Variants in FHL2 observed in about 807,000 individuals in gnomAD.
FHL2 encodes the protein four and a half LIM domains protein 2.
FHL2 carries 20 observed loss-of-function variants against 32.7 expected under a neutral mutation model. The ratio of observed to expected loss-of-function variants is 0.61; its 90% CI spans 0.43 to 0.89. The LOEUF (loss-of-function observed/expected upper bound fraction) is 0.89. Ranked by LOEUF, FHL2 falls within the 40% of genes least tolerant of loss-of-function variation. The pLI, the probability that FHL2 is intolerant of heterozygous loss-of-function variation, is 0.00. For missense variants in FHL2, 311 were observed against 358.6 expected, an observed-to-expected ratio of 0.87 and a Z score of 1.07; for synonymous variants, 123 against 128.1, an observed-to-expected ratio of 0.96 and a Z score of 0.27.
At chr2:105,385,512 G>C (rs143741923) in intron 3 of FHL2, among the ~76,000 whole-genome samples, 30 of 152,304 alleles carry the variant, frequency 2.0e-4, no homozygotes, top group African/African-American at 6.5e-4. Context: ...GAACTGACTT[G>C]GTGCCCATTC....
chr2:105,372,174 A>G (rs1266536435), intron 4 of FHL2, among the ~76,000 whole-genome samples: 2 of 152,200 alleles, frequency 1.3e-5, no homozygotes, highest in African/African-American at 2.4e-5. Context: ...ATCTTACCAA[A>G]GGTCAGATTA....
At chr2:105,372,930 A>G (rs952046612) in intron 4 of FHL2, among the ~76,000 whole-genome samples, 3 of 152,214 alleles carry the variant, frequency 2.0e-5, no homozygotes, top group African/African-American at 7.2e-5. Context: ...GCTCTCCTAC[A>G]TAAAAAACAA....
intron 2 of FHL2, among the ~76,000 whole-genome samples, chr2:105,387,755 G>A (rs1405775957): frequency 6.6e-6 from 1 of 152,268 alleles, no homozygotes; most frequent in Middle Eastern, 3.4e-3. Flanking sequence ...CCATTACTGG[G>A]AATACACCCA....
At chr2:105,414,522 A>G (rs546915803) in intron 1 of FHL2, among the ~76,000 whole-genome samples, 2 of 151,692 alleles carry the variant, frequency 1.3e-5, no homozygotes, top group South Asian at 4.2e-4. Flanking sequence ...TACTCTTGTC[A>G]CTCAAGAGAT....
upstream of FHL2, among the ~76,000 whole-genome samples, chr2:105,401,398 G>A (rs1010125721): frequency 1.3e-5 from 2 of 152,172 alleles, no homozygotes; most frequent in African/African-American, 4.8e-5. Flanking sequence ...AATCGCTGAA[G>A]CTTGATGATG....
At chr2:105,379,111 A>G (rs773129261) in intron 3 of FHL2, among the ~76,000 whole-genome samples, 11 of 152,194 alleles carry the variant, frequency 7.2e-5, no homozygotes, top group Non-Finnish European at 4.4e-5. Context: ...TGCCAGATTG[A>G]CTAAACTTAA....
At chr2:105,399,993 A>G (rs980461427), upstream of FHL2, among the ~76,000 whole-genome samples, 14 of 152,146 alleles carry the variant, frequency 9.2e-5, no homozygotes, top group African/African-American at 3.1e-4. Flanking sequence ...CTTTCTTTTA[A>G]TTGATACTCT....
chr2:105,376,710 C>T (rs969937072), intron 3 of FHL2: 9 of 152,208 alleles, frequency 5.9e-5, no homozygotes, highest in African/African-American at 2.2e-4. Flanking sequence ...TATATTTGTA[C>T]ATCCACGTTC....
At chr2:105,402,235 A>G (rs1046721387), upstream of FHL2, among the ~76,000 whole-genome samples, 32 of 141,198 alleles carry the variant, frequency 2.3e-4, no homozygotes, top group African/African-American at 6.3e-4. Context: ...GTATATATAT[A>G]TGTGTGTGTG....
intron 1 of FHL2, among the ~76,000 whole-genome samples, chr2:105,423,348 A>T (rs941598055): frequency 6.6e-6 from 1 of 152,234 alleles, no homozygotes; most frequent in African/African-American, 2.4e-5. Flanking sequence ...TTACTGGTAT[A>T]ATTATCTGCA....
At chr2:105,409,896 C>T (rs1233495700) in intron 1 of FHL2, among the ~76,000 whole-genome samples, 3 of 152,178 alleles carry the variant, frequency 2.0e-5, no homozygotes, top group Non-Finnish European at 4.4e-5. Flanking sequence ...GAGAGCAAGC[C>T]GACTCATGCC....
chr2:105,436,567 T>C (rs1290453616), intron 1 of FHL2, among the ~76,000 whole-genome samples: 1 of 152,096 alleles, frequency 6.6e-6, no homozygotes, highest in Non-Finnish European at 1.5e-5. Context: ...TATATACATA[T>C]ATATATGTTT....
At position 105,361,147 on chromosome 2, in the gene FHL2, G is replaced by T; in HGVS notation, c.*136C>A. ...AAAGCACTAAAGGGTTTAAGCAAAC[G>T]TGAGTATCACTGAAAAGCACTAGAA... is the stretch of plus-strand genomic sequence containing the variant. On this transcript the variant is annotated 3_prime_UTR_variant, in exon 7 of 7. Coordinates refer to ENST00000530340, the MANE Select transcript of FHL2 (RefSeq NM_001318895.3). The T allele has an allele frequency of 1.1e-6, 1 of 870,008 alleles. No individual in the cohort carries two copies. Among genetic ancestry groups the T allele is most frequent in the Non-Finnish European group, 1.8e-6 (1 of 560,450 alleles). 53.9% of individuals were successfully genotyped at this position (870,008 alleles called of 1,614,324 possible). A position where few individuals can be genotyped will look rare whatever the true frequency, so the allele number is the denominator to read the frequency against.
Position 105,361,136 on chromosome 2 carries a change from T to C in FHL2, c.*147A>G, listed in dbSNP as rs1167556039. ...TGAACTATCACAAAGCACTAAAGGG[T>C]TTAAGCAAACGTGAGTATCACTGAA... On this transcript the variant is annotated 3_prime_UTR_variant, in exon 7 of 7. Coordinates refer to ENST00000530340, the MANE Select transcript of FHL2 (RefSeq NM_001318895.3). The C allele has an allele frequency of 1.4e-5, 11 of 787,916 alleles. No homozygotes were observed. Among genetic ancestry groups the C allele is most frequent in the Non-Finnish European group, 2.2e-5 (11 of 497,540 alleles). 48.8% of individuals were successfully genotyped at this position (787,916 alleles called of 1,614,324 possible).
At chr2:105,434,046 T>C (rs903285234) in intron 1 of FHL2, among the ~76,000 whole-genome samples, 9 of 152,162 alleles carry the variant, frequency 5.9e-5, no homozygotes, top group Non-Finnish European at 1.0e-4. Context: ...ATTGTTCACA[T>C]TCCTTCTCAC....
intron 6 of FHL2, 186 bp downstream of exon 6, chr2:105,363,099 C>T (rs576326865): frequency 6.5e-4 from 384 of 590,952 alleles, no homozygotes; most frequent in Non-Finnish European, 1.1e-3. Context: ...AGGAAGGAAT[C>T]ATTACTTGCT....
At chr2:105,409,074 G>T (rs1329065326) in intron 1 of FHL2, among the ~76,000 whole-genome samples, 7 of 152,186 alleles carry the variant, frequency 4.6e-5, no homozygotes, top group Non-Finnish European at 1.0e-4. Context: ...CAAAGAAGGA[G>T]AAAGCCTTCA....
chr2:105,430,719 G>A (rs1306745204), intron 1 of FHL2, among the ~76,000 whole-genome samples: 2 of 152,156 alleles, frequency 1.3e-5, no homozygotes, highest in East Asian at 1.9e-4. Flanking sequence ...TTTTGTGTAG[G>A]AGTTGGGTAT....
chr2:105,396,331 A>C (rs1409830477), intron 2 of FHL2, among the ~76,000 whole-genome samples: 1 of 152,172 alleles, frequency 6.6e-6, no homozygotes, highest in Non-Finnish European at 1.5e-5. Context: ...GTGAGTCCAA[A>C]GGCGGAAAGG....
Sources: allele counts gnomAD v4.1 joint callset (sites outside exome capture counted in the v4.1 genomes callset), GRCh38; gene constraint gnomAD v4.1.1; transcripts MANE v1.5; gene names NCBI Gene and HGNC (gene_info 2026-07-23, HGNC 2026-07-21).